RHD: variants seen among roughly 807,000 people sequenced by gnomAD.
RHD encodes Rh blood group D antigen, also known as blood group Rh(D) polypeptide.
A neutral mutation model predicts 45.5 loss-of-function variants in RHD; 16 were observed. The observed-to-expected ratio is 0.35, with a 90% CI of 0.24 to 0.53. The LOEUF (loss-of-function observed/expected upper bound fraction) is 0.53, where lower values mean the gene tolerates loss of function less well. Among genes scored for constraint, RHD ranks in the 20% least tolerant of loss-of-function variants. The probability of loss-of-function intolerance (pLI) is 0.92; values close to 1 mark genes in which losing one functional copy is unlikely to be tolerated. For missense variants in RHD, 306 were observed against 532.0 expected (o/e 0.58, Z 4.18); for synonymous variants, 131 against 217.5 (o/e 0.60, Z 3.50).
Position 25,272,608 on chromosome 1 carries a change from G to A in RHD, c.61G>A (p.Glu21Lys). 6.3e-7 allele frequency: 1 copy of A among 1,581,164 alleles called. No homozygotes were observed. Among genetic ancestry groups the A allele is most frequent in the Non-Finnish European group, 8.6e-7 (1 of 1,156,264 alleles). Residue 21 changes from glutamate (E) to lysine (K), a missense_variant, in exon 1 of 10, where the codon GAA becomes AAA. Transcript: ENST00000328664. ...CCTGCCCCTCTGGGCCCTAACACTGGAAGCAGCTCTCATTCTCCTCTTCTA... is the reference window on the plus strand; with the variant it reads ...CCTGCCCCTCTGGGCCCTAACACTGAAAGCAGCTCTCATTCTCCTCTTCTA... ...RCLPLWALTL[E>K]AALILLFYFF...
chr1:25,288,675 A>G (rs1178671908), intron 2 of RHD, among the ~76,000 whole-genome samples: 1 of 127,898 alleles, frequency 7.8e-6, no homozygotes, highest in East Asian at 2.0e-4. Context: ...GCCCAGGATC[A>G]CACAGCCAGA....
In RHD at chr1:25,300,860, A is replaced by G; in HGVS notation, c.487-86A>G. 1.5e-6 allele frequency: 2 copies of G among 1,295,706 alleles called. 1 individual carries two copies. Among genetic ancestry groups the G allele is most frequent in the Non-Finnish European group, 2.2e-6 (2 of 910,744 alleles). The allele number at this position is 1,295,706 out of a possible 1,614,324, so 80.3% of individuals were successfully genotyped here. ...GCTTCAAGTCACACCTCCTAAGTGAAGCTCTGAACTTTCTCCAAGGACTAT... is the reference window on the plus strand; with the variant it reads ...GCTTCAAGTCACACCTCCTAAGTGAGGCTCTGAACTTTCTCCAAGGACTAT... On this transcript the variant is annotated intron_variant, in intron 3 of 9. Coordinates refer to ENST00000328664, the MANE Select transcript of RHD (RefSeq NM_016124.6).
chr1:25,309,252 G>A (rs1256374751), intron 7 of RHD, among the ~76,000 whole-genome samples: 1 of 131,800 alleles, frequency 7.6e-6, no homozygotes, highest in Non-Finnish European at 1.8e-5. Context: ...TAATGGGAAG[G>A]CACACTGAAA....
Position 25,301,636 on chromosome 1 carries a change from A to C in RHD, c.751A>C (p.Thr251Pro). ...CTATGCTGTAGCAGTCAGCGTGGTG[A>C]CAGCCATCTCAGGGTCATCCTTGGC... ...TYYAVAVSVV[T>P]AISGSSLAHP... Residue 251 changes from threonine to proline, a missense_variant, in exon 5 of 10, where the codon ACA becomes CCA. Coordinates refer to ENST00000328664, the MANE Select transcript of RHD (RefSeq NM_016124.6). 7.2e-7 allele frequency: 1 copy of C among 1,380,488 alleles called. No homozygotes were observed. The highest frequency in any genetic ancestry group is 2.2e-5 in the East Asian group (1 of 44,660). The allele number at this position is 1,380,488 out of a possible 1,614,324, so 85.5% of individuals were successfully genotyped here.
chr1:25,302,192 G>C (rs1434375710), intron 5 of RHD, among the ~76,000 whole-genome samples: 1 of 131,444 alleles, frequency 7.6e-6, no homozygotes, highest in African/African-American at 2.6e-5. Context: ...CATGTAAAGT[G>C]CTTAACGGGG....
At chr1:25,321,211 G>T (rs1189763627) in intron 8 of RHD, among the ~76,000 whole-genome samples, 3 of 129,006 alleles carry the variant, frequency 2.3e-5, no homozygotes, top group Non-Finnish European at 3.7e-5. Context: ...GCACCCAATT[G>T]GAGTCACCCT....
chr1:25,290,893 C>T (rs1642444155), intron 3 of RHD, 102 bp downstream of exon 3: 1 of 1,190,830 alleles, frequency 8.4e-7, no homozygotes, highest in East Asian at 2.3e-5. Flanking sequence ...CCTGTAATCC[C>T]AGCTACTTGG....
Position 25,322,228 on chromosome 1 carries a change from TC to T in RHD, c.1227+270del. ...TGAGACAGCTTTCACTGGCCACACTTCCCCTCCCCCTATCTGCAGTCCTCAG... is the reference window on the plus strand; with the variant it reads ...TGAGACAGCTTTCACTGGCCACACTTCCCTCCCCCTATCTGCAGTCCTCAG... On this transcript the variant is annotated intron_variant, in intron 9 of 9. Transcript: ENST00000328664. Among the ~76,000 whole-genome samples the T allele has an allele frequency of 1.5e-5, 2 of 131,680 alleles. 1 individual carries two copies. The highest frequency in any genetic ancestry group is 8.1e-3 in the Middle Eastern group (2 of 248). The allele number at this position is 131,680 out of a possible 152,430, so 86.4% of individuals were successfully genotyped here.
rs377496483 is a variant in RHD, at chr1:25,285,831, G to A, written c.335+1072G>A. Among the ~76,000 whole-genome samples, 340 of 134,554 alleles carry A rather than the reference G, an allele frequency of 2.5e-3. 21 individuals are homozygous for A. Among genetic ancestry groups the A allele is most frequent in the South Asian group, 0.025 (114 of 4,512 alleles). 88.3% of individuals were successfully genotyped at this position (134,554 alleles called of 152,430 possible). A position where few individuals can be genotyped will look rare whatever the true frequency, so the allele number is the denominator to read the frequency against. On this transcript the variant is annotated intron_variant, in intron 2 of 9. Transcript: ENST00000328664. The stretch of plus-strand genomic sequence containing the variant: ...CTGTGCTGCCCAGATGATGGTAAAC[G>A]TCATCCTAGGCATCTTAGGGACCTC...
At chr1:25,279,054 G>T (rs1050042926) in intron 1 of RHD, among the ~76,000 whole-genome samples, 1 of 129,890 alleles carries the variant, frequency 7.7e-6, no homozygotes, top group Non-Finnish European at 1.8e-5. Context: ...GTGGGAGGGG[G>T]CGCAGATCCA....
At position 25,299,086 on chromosome 1, in the gene RHD, A is replaced by C. The variant is rs1343138156; in HGVS notation, c.487-1860A>C. On this transcript the variant is annotated intron_variant, in intron 3 of 9. Transcript: ENST00000328664. ...GCACATGGTGATAAAAAAAAAAAAA[A>C]AAAAAAAAAAACAGGCTGGGAGCAG... 6.3e-5 allele frequency among the ~76,000 whole-genome samples: 8 copies of C among 126,516 alleles called. 1 individual carries two copies. Among genetic ancestry groups the C allele is most frequent in the Admixed American group, 7.7e-5 (1 of 13,028 alleles). 83.0% of individuals were successfully genotyped at this position (126,516 alleles called of 152,430 possible). A position where few individuals can be genotyped will look rare whatever the true frequency, so the allele number is the denominator to read the frequency against.
rs769183738 is a variant in RHD at position 25,301,589 on chromosome 1, A to G, written c.704A>G (p.Lys235Arg). The G allele has an allele frequency of 7.2e-6, 10 of 1,379,954 alleles. 4 individuals carry two copies. The highest frequency in any genetic ancestry group is 9.2e-6 in the Non-Finnish European group (9 of 979,294). The allele number at this position is 1,379,954 out of a possible 1,614,324, so 85.5% of individuals were successfully genotyped here. The change falls in exon 5 of 10, where the codon AAG becomes AGG. Residue 235 changes from lysine (K) to arginine (R), a missense_variant. Transcript: ENST00000328664. ...CTGCTGAGAAGTCCAATCGAAAGGA[A>G]GAATGCCGTGTTCAACACCTACTAT... is the stretch of plus-strand genomic sequence containing the variant. ...SALLRSPIERKNAVFNTYYAV... is the reference protein window; with the variant it reads ...SALLRSPIERRNAVFNTYYAV...
chr1:25,306,380 G>C lies in RHD; in HGVS notation c.940-216G>C, dbSNP rs372156222. On this transcript the variant is annotated intron_variant, in intron 6 of 9. Transcript: ENST00000328664. ...CACCTGGGACCTTGTTAGAAATGCT[G>C]TTAGACCCCACCCCACATCCACTAA... 4.2e-4 allele frequency among the ~76,000 whole-genome samples: 56 copies of C among 131,772 alleles called. 5 individuals carry two copies. The highest frequency in any genetic ancestry group is 4.0e-3 in the Middle Eastern group (1 of 248). The allele number at this position is 131,772 out of a possible 152,430, so 86.4% of individuals were successfully genotyped here.
rs1465891843 is a variant in RHD, at chr1:25,316,649, A to G, written c.1074-351A>G. ...AAAAAAAAAAAAAGAGAGAGAGAGA[A>G]AACTGGAGGCTCTGAGAGGTTGAGG... is the stretch of plus-strand genomic sequence containing the variant. On this transcript the variant is annotated intron_variant, in intron 7 of 9. Coordinates refer to ENST00000328664, the MANE Select transcript of RHD (RefSeq NM_016124.6). Among the ~76,000 whole-genome samples, 2 of 124,056 alleles carry G rather than the reference A, an allele frequency of 1.6e-5. 1 individual carries two copies. Among genetic ancestry groups the G allele is most frequent in the Non-Finnish European group, 3.8e-5 (2 of 52,318 alleles). The allele number at this position is 124,056 out of a possible 152,430, so 81.4% of individuals were successfully genotyped here.
rs1430313856 is a variant in RHD, at chr1:25,303,121, C to T, written c.802-201C>T. Among the ~76,000 whole-genome samples, 2 of 131,946 alleles carry T rather than the reference C, an allele frequency of 1.5e-5. 1 individual carries two copies. The highest frequency in any genetic ancestry group is 3.6e-5 in the Non-Finnish European group (2 of 55,662). 86.6% of individuals were successfully genotyped at this position (131,946 alleles called of 152,430 possible). A position where few individuals can be genotyped will look rare whatever the true frequency, so the allele number is the denominator to read the frequency against. ...CAATCAGGGTAACTGTGCCCTGAGC[C>T]TAAGAGGCAGTAGTGAGCTGGCCCA... On this transcript the variant is annotated intron_variant, in intron 5 of 9. Transcript: ENST00000328664.
In RHD at chr1:25,307,277, G is replaced by A. The variant is rs1352221568; in HGVS notation, c.1073+548G>A. On this transcript the variant is annotated intron_variant, in intron 7 of 9. Transcript: ENST00000328664. Reference sequence around the variant, plus strand: ...CTTGGCTGAGGTCTCACTGCGAGGTGGGAATGTGGGCCTCCAGACCAGAGG... The same window carrying A: ...CTTGGCTGAGGTCTCACTGCGAGGTAGGAATGTGGGCCTCCAGACCAGAGG... Among the ~76,000 whole-genome samples the A allele has an allele frequency of 2.3e-5, 3 of 131,948 alleles. 1 individual carries two copies. Among genetic ancestry groups the A allele is most frequent in the South Asian group, 2.3e-4 (1 of 4,314 alleles). The allele number at this position is 131,948 out of a possible 152,430, so 86.6% of individuals were successfully genotyped here. A position where few individuals can be genotyped will look rare whatever the true frequency, so the allele number is the denominator to read the frequency against.
At position 25,310,408 on chromosome 1, in the gene RHD, C is replaced by T. The variant is rs187161477; in HGVS notation, c.1073+3679C>T. The stretch of plus-strand genomic sequence containing the variant: ...ATGACTTCTCCATGTCATGATGCAG[C>T]AAGAAGGCCCTCACCAGATGGTGGC... On this transcript the variant is annotated intron_variant, in intron 7 of 9. Coordinates refer to ENST00000328664, the MANE Select transcript of RHD (RefSeq NM_016124.6). 1.4e-4 allele frequency among the ~76,000 whole-genome samples: 18 copies of T among 132,782 alleles called. 2 individuals are homozygous for T. Among genetic ancestry groups the T allele is most frequent in the Admixed American group, 7.4e-4 (10 of 13,588 alleles). 87.1% of individuals were successfully genotyped at this position (132,782 alleles called of 152,430 possible).
chr1:25,302,317 TG>T lies in RHD; in HGVS notation c.801+636del, dbSNP rs568375574. 5.3e-3 allele frequency among the ~76,000 whole-genome samples: 661 copies of T among 124,452 alleles called. 91 individuals carry two copies. The highest frequency in any genetic ancestry group is 0.015 in the African/African-American group (547 of 35,842). 81.6% of individuals were successfully genotyped at this position (124,452 alleles called of 152,430 possible). A position where few individuals can be genotyped will look rare whatever the true frequency, so the allele number is the denominator to read the frequency against. ...GAGACAAAACAAGTTCTCATGATGA[TG>T]GGGGAAGGGGCTCCAGCTGGTGGTG... On this transcript the variant is annotated intron_variant, in intron 5 of 9. Coordinates refer to ENST00000328664, the MANE Select transcript of RHD (RefSeq NM_016124.6).
chr1:25,321,767 T>C lies in RHD; in HGVS notation c.1154-122T>C. 3 of 496,194 alleles carry C rather than the reference T, an allele frequency of 6.0e-6. 1 individual carries two copies. The highest frequency in any genetic ancestry group is 7.9e-4 in the Middle Eastern group (2 of 2,520). The allele number at this position is 496,194 out of a possible 1,614,324, so 30.7% of individuals were successfully genotyped here. On this transcript the variant is annotated intron_variant, in intron 8 of 9. Transcript: ENST00000328664. ...GGGCTTCCATTTATTTGTCTTTCAA[T>C]TGTGGGAGAAAAAGGATTTCTGTTG...
Sources: allele counts gnomAD v4.1 joint callset (sites outside exome capture counted in the v4.1 genomes callset), GRCh38; gene constraint gnomAD v4.1.1; transcripts MANE v1.5; gene names NCBI Gene and HGNC (gene_info 2026-07-23, HGNC 2026-07-21).